NSUN2: variants seen among roughly 807,000 people sequenced by gnomAD.
The protein encoded by NSUN2 is RNA cytosine C(5)-methyltransferase NSUN2.
In NSUN2, 63 loss-of-function variants were observed where a neutral mutation model predicts 92.7. The observed-to-expected ratio is 0.68, with a 90% CI of 0.56 to 0.84. The LOEUF is 0.84. Among genes scored for constraint, NSUN2 ranks in the 40% least tolerant of loss-of-function variants. The pLI, the probability that NSUN2 is intolerant of heterozygous loss-of-function variation, is 0.00. For missense variants in NSUN2, 989 were observed against 964.9 expected (o/e 1.02, Z -0.33); for synonymous variants, 356 against 348.3 (o/e 1.02, Z -0.25).
At chr5:6,609,956 T>G (rs1438699079) in intron 11 of NSUN2, 34 bp from the exon 12 acceptor site, 5 of 1,361,576 alleles carry the variant, frequency 3.7e-6, no homozygotes, top group Non-Finnish European at 5.1e-6. Context: ...ACCTCTGAAC[T>G]AATCAAAAAT....
Position 6,607,356 on chromosome 5 carries a change from T to C in NSUN2, c.1352A>G (p.Glu451Gly), listed in dbSNP as rs763624177. Residue 451 changes from glutamate (E) to glycine (G), a missense_variant, in exon 13 of 19, where the codon GAA (glutamate) becomes GGA (glycine). Physicochemically the swap from Glu to Gly is moderately conservative, Grantham distance 98. Coordinates refer to ENST00000264670, the MANE Select transcript of NSUN2 (RefSeq NM_017755.6). ...KLQGKSAETR[E>G]STQLSPADLT... is the part of the protein sequence containing the mutation. The stretch of plus-strand genomic sequence containing the variant: ...ATCTGCAGGGCTCAGCTGTGTGCTT[T>C]CTCTGGTCTCTGCAGATTTACCCTG... 1.9e-6 allele frequency: 3 copies of C among 1,614,072 alleles called. No individual in the cohort carries two copies. In the East Asian group the frequency reaches 6.7e-5, roughly 36 times the overall value.
intron 3 of NSUN2, among the ~76,000 whole-genome samples, chr5:6,629,954 ATTTCC>A (rs1428087523): frequency 1.3e-5 from 2 of 152,150 alleles, no homozygotes; most frequent in East Asian, 3.8e-4. Flanking sequence ...AATTAAGCCT[ATTTCC>A]TTTATCTATA....
At chr5:6,601,818 A>G (rs1166240705) in intron 18 of NSUN2, among the ~76,000 whole-genome samples, 1 of 152,102 alleles carries the variant, frequency 6.6e-6, no homozygotes. Flanking sequence ...ATGGTGTTGC[A>G]TGTCACCAAG....
chr5:6,609,886 C>A lies in NSUN2; in HGVS notation c.1263G>T (p.Gly421=), dbSNP rs749630832. ...RILPHHQNTG[G]FFVAVLVKKS... ...TTTTCACCAATACTGCCACAAAAAACCCTCCAGTATTCTGATGATGGGGTA... is the reference window on the plus strand; with the variant it reads ...TTTTCACCAATACTGCCACAAAAAAACCTCCAGTATTCTGATGATGGGGTA... Residue 421 remains glycine (G), a synonymous_variant, in exon 12 of 19, where the codon GGG becomes GGT. Coordinates refer to ENST00000264670, the MANE Select transcript of NSUN2 (RefSeq NM_017755.6). The A allele has an allele frequency of 5.6e-6, 9 of 1,613,786 alleles. No homozygotes were observed. In the East Asian group the frequency reaches 2.0e-4, roughly 36 times the overall value.
At chr5:6,632,466 A>G in intron 2 of NSUN2, 133 bp downstream of exon 2, 13 of 1,034,702 alleles carry the variant, frequency 1.3e-5, no homozygotes, top group African/African-American at 1.6e-5. Context: ...CCCCACCTCA[A>G]TGCTTCCTGA....
intron 4 of NSUN2, 64 bp from the exon 5 acceptor site, chr5:6,623,349 T>A (rs996005851): frequency 2.8e-6 from 4 of 1,413,308 alleles, no homozygotes; most frequent in Admixed American, 4.5e-5. Context: ...ACAATTTCAA[T>A]CTTTGGCATT....
chr5:6,617,067 T>C (rs1165666389), intron 8 of NSUN2, among the ~76,000 whole-genome samples: 1 of 152,236 alleles, frequency 6.6e-6, no homozygotes, highest in Non-Finnish European at 1.5e-5. Flanking sequence ...ATATTCTTAC[T>C]GCTCTGTTAA....
rs1160718100 is a variant in NSUN2, at chr5:6,599,364, A to AT, written c.*561dup. The AT allele has an allele frequency of 6.6e-6, 1 of 152,656 alleles. No individual in the cohort carries two copies. Among genetic ancestry groups the AT allele is most frequent in the Non-Finnish European group, 1.5e-5 (1 of 68,066 alleles). 9.5% of individuals were successfully genotyped at this position (152,656 alleles called of 1,614,324 possible). On this transcript the variant is annotated 3_prime_UTR_variant, in exon 19 of 19. Transcript: ENST00000264670. ...TCAATAATTAGTATGACAATTCACG[A>AT]TACAGCTCTTACTCTGGGAGAGTTT...
intron 9 of NSUN2, among the ~76,000 whole-genome samples, chr5:6,616,436 G>T (rs1737214244): frequency 6.6e-6 from 1 of 152,184 alleles, no homozygotes; most frequent in Non-Finnish European, 1.5e-5. Flanking sequence ...CCGCTTCTGT[G>T]AGGTCTAGAG....
intron 11 of NSUN2, 72 bp from the exon 12 acceptor site, chr5:6,609,994 C>A (rs553171905): frequency 9.8e-7 from 1 of 1,015,360 alleles, no homozygotes; most frequent in East Asian, 2.6e-5. Context: ...AGACAAATAC[C>A]GCAAAGATGA....
chr5:6,630,659 A>T (rs1314995983), intron 3 of NSUN2, among the ~76,000 whole-genome samples: 1 of 152,228 alleles, frequency 6.6e-6, no homozygotes, highest in Admixed American at 6.5e-5. Context: ...GAAAATCCAA[A>T]TAGCCAATGA....
chr5:6,607,051 C>CA, intron 13 of NSUN2, 139 bp from the exon 14 acceptor site: 1 of 981,948 alleles, frequency 1.0e-6, no homozygotes, highest in Non-Finnish European at 1.6e-6. Context: ...CCGGCTTCCA[C>CA]AGAGTCCAGC....
In NSUN2 at chr5:6,607,521, A is replaced by G; in HGVS notation, c.1324-137T>C. On this transcript the variant is annotated intron_variant, in intron 12 of 18. Transcript: ENST00000264670. The stretch of plus-strand genomic sequence containing the variant: ...ATTATATGTAGAGAAAGACAACAGA[A>G]TTTTTTTAAAGTGTCATTTTAAATC... The G allele has an allele frequency of 5.3e-6, 4 of 748,750 alleles. No homozygotes were observed. The South Asian group carries it at 8.2e-5, about 15-fold the overall frequency. The allele number at this position is 748,750 out of a possible 1,614,324, so 46.4% of individuals were successfully genotyped here.
At chr5:6,603,787 TG>T in intron 17 of NSUN2, 1 of 204,864 alleles carries the variant, frequency 4.9e-6, no homozygotes. Context: ...GAGCTCTGGC[TG>T]GGAGGCTTGC....
chr5:6,611,168 C>CA (rs1266021538), intron 10 of NSUN2, 83 bp from the exon 11 acceptor site: 5 of 1,448,672 alleles, frequency 3.5e-6, no homozygotes, highest in Non-Finnish European at 4.8e-6. Flanking sequence ...TCCATTCTCT[C>CA]AAAGGTGACA....
At chr5:6,621,873 T>C in intron 6 of NSUN2, 143 bp downstream of exon 6, 1 of 649,588 alleles carries the variant, frequency 1.5e-6, no homozygotes, top group Non-Finnish European at 2.7e-6. Flanking sequence ...GATGTCCAGT[T>C]CTACTTCCGG....
At chr5:6,626,208 G>A (rs1737648200) in intron 3 of NSUN2, among the ~76,000 whole-genome samples, 2 of 152,134 alleles carry the variant, frequency 1.3e-5, no homozygotes, top group Admixed American at 6.5e-5. Flanking sequence ...AACCACTAAT[G>A]CATTAACTTG....
At chr5:6,622,348 G>T (rs972762763) in intron 5 of NSUN2, among the ~76,000 whole-genome samples, 1 of 152,216 alleles carries the variant, frequency 6.6e-6, no homozygotes, top group African/African-American at 2.4e-5. Context: ...TAAATATAGA[G>T]ATGAACAAGT....
chr5:6,631,974 G>C lies in NSUN2; in HGVS notation c.258C>G (p.His86Gln). The C allele has an allele frequency of 1.2e-6, 2 of 1,606,830 alleles. No homozygotes were observed. Among genetic ancestry groups the C allele is most frequent in the South Asian group, 1.1e-5 (1 of 90,228 alleles). Residue 86 changes from histidine (H) to glutamine (Q), a missense_variant, in exon 3 of 19, where the codon CAC becomes CAG. By Grantham distance (24) the His-to-Gln change is conservative. This residue lies in a region of NSUN2 where 356 missense variants were observed against 338.6 expected (regional missense o/e 1.05). Coordinates refer to ENST00000264670, the MANE Select transcript of NSUN2 (RefSeq NM_017755.6). Reference protein sequence around the residue: ...ATLRITGYKSHAKEILHCLKN... With the variant: ...ATLRITGYKSQAKEILHCLKN... ...TTAAGCAATGGAGAATCTCTTTTGCGTGGCTATTGAAAAATAAGGAAGTTT... is the reference window on the plus strand; with the variant it reads ...TTAAGCAATGGAGAATCTCTTTTGCCTGGCTATTGAAAAATAAGGAAGTTT...
Sources: allele counts gnomAD v4.1 joint callset (sites outside exome capture counted in the v4.1 genomes callset), GRCh38; gene constraint gnomAD v4.1.1; regional missense constraint gnomAD v4.1.1; transcripts MANE v1.5; gene names NCBI Gene and HGNC (gene_info 2026-07-23, HGNC 2026-07-21).